The following PRICKLE1 variants were observed in gnomAD, a reference collection of about 807,000 sequenced individuals.
PRICKLE1 encodes prickle planar cell polarity protein 1, also known as prickle-like protein 1.
In PRICKLE1, 14 loss-of-function variants were observed where a neutral mutation model predicts 70.2. The ratio of observed to expected loss-of-function variants is 0.20; its 90% CI spans 0.13 to 0.31. PRICKLE1 has a LOEUF of 0.31. Ranked by LOEUF, PRICKLE1 falls within the 10% of genes least tolerant of loss-of-function variation. The probability of loss-of-function intolerance (pLI) is 1.00; values close to 1 mark genes in which losing one functional copy is unlikely to be tolerated. For missense variants in PRICKLE1, 821 were observed against 1,026.2 expected (o/e 0.80, Z 2.73); for synonymous variants, 357 against 379.9 (o/e 0.94, Z 0.70).
At chr12:42,578,730 T>G (rs1476328310) in intron 1 of PRICKLE1, among the ~76,000 whole-genome samples, 1 of 137,316 alleles carries the variant, frequency 7.3e-6, no homozygotes. Flanking sequence ...GGCTACTATT[T>G]GTGTTTATTT....
rs1307580963 is a variant in PRICKLE1, at chr12:42,538,048, C to CTCA, written c.-49+51414_-49+51416dup. On this transcript the variant is annotated intron_variant, in intron 1 of 7. Transcript: ENST00000345127. ...ATCTAGTGCTCCTGGCTGGGTGTGG[C>CTCA]TCACATCTGTATTCCCAGCACTTTG... 2.9e-4 allele frequency among the ~76,000 whole-genome samples: 44 copies of CTCA among 152,238 alleles called. 1 individual carries two copies. Among genetic ancestry groups the CTCA allele is most frequent in the African/African-American group, 2.4e-5 (1 of 41,546 alleles).
intron 1 of PRICKLE1, among the ~76,000 whole-genome samples, chr12:42,495,590 CT>C (rs199502443): frequency 0.077 from 11,183 of 144,770 alleles, 1,024 homozygotes; most frequent in African/African-American, 0.23. Flanking sequence ...ATTGAAGTTT[CT>C]TTTTTTTTTT....
intron 1 of PRICKLE1, among the ~76,000 whole-genome samples, chr12:42,515,129 G>A (rs2406682): frequency 0.45 from 68,921 of 151,656 alleles, 16,156 homozygotes; most frequent in East Asian, 0.72. Context: ...CATGTTGGGC[G>A]GGCTAGTTTC....
At chr12:42,552,545 A>G (rs1940335066) in intron 1 of PRICKLE1, among the ~76,000 whole-genome samples, 2 of 152,264 alleles carry the variant, frequency 1.3e-5, no homozygotes, top group South Asian at 2.1e-4. Context: ...TTGTCATTAC[A>G]GCCAAAGTCA....
At chr12:42,568,527 A>G (rs985021549) in intron 1 of PRICKLE1, among the ~76,000 whole-genome samples, 1 of 152,258 alleles carries the variant, frequency 6.6e-6, no homozygotes, top group Non-Finnish European at 1.5e-5. Flanking sequence ...ACTGAGCAAC[A>G]TGAGAAAGCA....
rs1593098611 is a variant in PRICKLE1, at chr12:42,459,426, C to G, written c.*383G>C. 1.4e-6 allele frequency: 1 copy of G among 695,330 alleles called. No individual in the cohort carries two copies. The highest frequency in any genetic ancestry group is 2.7e-5 in the East Asian group (1 of 37,220). The allele number at this position is 695,330 out of a possible 1,614,324, so 43.1% of individuals were successfully genotyped here. A position where few individuals can be genotyped will look rare whatever the true frequency, so the allele number is the denominator to read the frequency against. On this transcript the variant is annotated 3_prime_UTR_variant, in exon 8 of 8. Transcript: ENST00000345127. ...ACTATCAAGACCTGAGCCGACCTGA[C>G]TTACATAAATGACAAACACTAGTGC...
chr12:42,481,713 C>CTT lies in PRICKLE1; in HGVS notation c.-48-9150_-48-9149insAA, dbSNP rs1453341683. On this transcript the variant is annotated intron_variant, in intron 1 of 7. Transcript: ENST00000345127. ...ACAGACTAATTTAGCAGTACAGAAACATGTCACACATCCATTCTTTTCACA... is the reference window on the plus strand; with the variant it reads ...ACAGACTAATTTAGCAGTACAGAAACTTATGTCACACATCCATTCTTTTCACA... Among the ~76,000 whole-genome samples the CTT allele has an allele frequency of 2.0e-5, 3 of 152,228 alleles. No individual in the cohort carries two copies. In the East Asian group the frequency reaches 5.8e-4, roughly 29 times the overall value.
chr12:42,578,450 T>C (rs1592043413), intron 1 of PRICKLE1, among the ~76,000 whole-genome samples: 1 of 152,200 alleles, frequency 6.6e-6, no homozygotes, highest in Non-Finnish European at 1.5e-5. Context: ...GCTTCCTTGT[T>C]GCACATATTC....
chr12:42,496,736 G>T (rs1260067640), intron 1 of PRICKLE1, among the ~76,000 whole-genome samples: 1 of 152,132 alleles, frequency 6.6e-6, no homozygotes, highest in African/African-American at 2.4e-5. Context: ...ACCTCATGAA[G>T]CAACCTCTGC....
intron 7 of PRICKLE1, 169 bp from the exon 8 acceptor site, chr12:42,460,834 T>A: frequency 1.3e-6 from 1 of 740,782 alleles, no homozygotes; most frequent in Non-Finnish European, 2.3e-6. Context: ...AGAAGTGGTA[T>A]AAATGCAGTT....
intron 1 of PRICKLE1, among the ~76,000 whole-genome samples, chr12:42,493,080 C>T (rs1213511871): frequency 1.3e-5 from 2 of 151,972 alleles, no homozygotes; most frequent in Non-Finnish European, 2.9e-5. Context: ...AGTGAGTCAA[C>T]TCATTAGAGT....
chr12:42,561,905 CTTTTTTTTTTTTT>C (rs60450733), intron 1 of PRICKLE1, among the ~76,000 whole-genome samples: 7 of 87,228 alleles, frequency 8.0e-5, no homozygotes, highest in Admixed American at 4.5e-4. Context: ...TTTTTCTTTT[CTTTTTTTTTTTTT>C]TTTTTTTTTT....
chr12:42,470,363 CAAA>C lies in PRICKLE1; in HGVS notation c.133-7_133-5del, dbSNP rs1009731020. 5 of 1,570,498 alleles carry C rather than the reference CAAA, an allele frequency of 3.2e-6. No individual in the cohort carries two copies. In the African/African-American group the frequency reaches 6.8e-5, roughly 21 times the overall value. ...AGCAAGCAAAATAGAGCTGGATCTG[CAAA>C]AGAGACAGTGAGAATGGCATCAACA... On this transcript the variant is annotated splice_region_variant and splice_polypyrimidine_tract_variant and intron_variant, in intron 2 of 7. Transcript: ENST00000345127.
rs774422189 is a variant in PRICKLE1 at position 42,464,809 on chromosome 12, C to T, written c.1225G>A (p.Ala409Thr). 1.4e-5 allele frequency: 23 copies of T among 1,613,922 alleles called. No homozygotes were observed. Among genetic ancestry groups the T allele is most frequent in the Non-Finnish European group, 1.9e-5 (22 of 1,180,030 alleles). The change falls in exon 7 of 8, where the codon GCT becomes ACT. Residue 409 changes from alanine (A) to threonine (T), a missense_variant. Ala to Thr is a moderately conservative substitution (Grantham distance 58, BLOSUM62 0). Transcript: ENST00000345127. The surrounding 1 kb of genome is among the most constrained non-coding windows in gnomAD (Gnocchi z 4.2). ...TGCGTCATATAATCTTCATGATCAG[C>T]CCATTCTTCAGGGTCTTCTGGAGTT... Reference protein sequence around the residue: ...QETPEDPEEWADHEDYMTQLL... With the variant: ...QETPEDPEEWTDHEDYMTQLL...
intron 1 of PRICKLE1, among the ~76,000 whole-genome samples, chr12:42,553,537 CG>C (rs796727351): frequency 5.7e-4 from 9 of 15,760 alleles, no homozygotes; most frequent in South Asian, 3.5e-3. Context: ...GTGGGTGGGG[CG>C]GGGGGGGTCT....
chr12:42,459,502 C>T lies in PRICKLE1; in HGVS notation c.*307G>A, dbSNP rs1402570955. ...ATCTTCTAAAATCAACATCCAATCCCCTTCAGTCAGCATCTTCAGTATTCC... is the reference window on the plus strand; with the variant it reads ...ATCTTCTAAAATCAACATCCAATCCTCTTCAGTCAGCATCTTCAGTATTCC... On this transcript the variant is annotated 3_prime_UTR_variant, in exon 8 of 8. Transcript: ENST00000345127. The T allele has an allele frequency of 1.6e-6, 1 of 637,036 alleles. No homozygotes were observed. 39.5% of individuals were successfully genotyped at this position (637,036 alleles called of 1,614,324 possible). A position where few individuals can be genotyped will look rare whatever the true frequency, so the allele number is the denominator to read the frequency against.
chr12:42,482,056 C>T lies in PRICKLE1; in HGVS notation c.-48-9492G>A, dbSNP rs541318834. Among the ~76,000 whole-genome samples the T allele has an allele frequency of 3.3e-5, 5 of 152,328 alleles. No individual in the cohort carries two copies. The South Asian group carries it at 1.0e-3, about 32-fold the overall frequency. On this transcript the variant is annotated intron_variant, in intron 1 of 7. Transcript: ENST00000345127. ...TAGGCCATATGCCCTTTAGTATTTT[C>T]TGTATTTTCCAGGTAAACCTCCGTC... is the stretch of plus-strand genomic sequence containing the variant.
intron 1 of PRICKLE1, among the ~76,000 whole-genome samples, chr12:42,503,864 G>A (rs572567889): frequency 6.6e-6 from 1 of 152,264 alleles, no homozygotes; most frequent in East Asian, 1.9e-4. Context: ...ATTCCTCCCA[G>A]TGTCCTCCCA....
chr12:42,505,075 G>T (rs1180710744), intron 1 of PRICKLE1, among the ~76,000 whole-genome samples: 1 of 152,118 alleles, frequency 6.6e-6, no homozygotes, highest in Non-Finnish European at 1.5e-5. Context: ...GGAGGTGGAG[G>T]TTGCAGTGAG....
Sources: allele counts gnomAD v4.1 joint callset (sites outside exome capture counted in the v4.1 genomes callset), GRCh38; gene constraint gnomAD v4.1.1; non-coding constraint Gnocchi (gnomAD v3.1); transcripts MANE v1.5; gene names NCBI Gene and HGNC (gene_info 2026-07-23, HGNC 2026-07-21).